RFTN1: variants seen among roughly 807,000 people sequenced by gnomAD.
The protein encoded by RFTN1 is raftlin.
RFTN1 carries 26 observed loss-of-function variants against 46.5 expected under a neutral mutation model. The observed-to-expected ratio is 0.56, with a 90% CI of 0.41 to 0.78. The LOEUF (loss-of-function observed/expected upper bound fraction) is 0.78, where lower values mean the gene tolerates loss of function less well. RFTN1 is among the 30% of genes least tolerant of loss of function. The pLI, the probability that RFTN1 is intolerant of heterozygous loss-of-function variation, is 0.00. For missense variants in RFTN1, 693 were observed against 718.7 expected, an observed-to-expected ratio of 0.96 and a Z score of 0.41; for synonymous variants, 261 against 284.2, an observed-to-expected ratio of 0.92 and a Z score of 0.82.
intron 1 of RFTN1, among the ~76,000 whole-genome samples, chr3:16,511,922 A>G (rs2076908186): frequency 6.6e-6 from 1 of 151,972 alleles, no homozygotes; most frequent in Non-Finnish European, 1.5e-5. Flanking sequence ...AGAAAAACCA[A>G]CCCAGTGACT....
In RFTN1 at chr3:16,344,230, TCC is replaced by T. The variant is rs1307063209; in HGVS notation, c.1146+13700_1146+13701del. Among the ~76,000 whole-genome samples the T allele has an allele frequency of 1.3e-5, 2 of 152,178 alleles. No individual in the cohort carries two copies. Among genetic ancestry groups the T allele is most frequent in the Admixed American group, 1.3e-4 (2 of 15,280 alleles). ...TTACATTTTATTGGGCTGGTTTTTGTCCAACATTCATATACTAAGAAGTAACA... is the reference window on the plus strand; with the variant it reads ...TTACATTTTATTGGGCTGGTTTTTGTAACATTCATATACTAAGAAGTAACA... On this transcript the variant is annotated intron_variant, in intron 7 of 9. Coordinates refer to ENST00000334133, the MANE Select transcript of RFTN1 (RefSeq NM_015150.2). The surrounding 1 kb of genome is among the most constrained non-coding windows in gnomAD (Gnocchi z 4.4).
At position 16,448,737 on chromosome 3, in the gene RFTN1, C is replaced by CCTT. The variant is rs1164327652; in HGVS notation, c.146-14703_146-14701dup. Among the ~76,000 whole-genome samples the CCTT allele has an allele frequency of 5.3e-5, 8 of 152,180 alleles. No individual in the cohort carries two copies. Among genetic ancestry groups the CCTT allele is most frequent in the Admixed American group, 5.2e-4 (8 of 15,274 alleles). On this transcript the variant is annotated intron_variant, in intron 2 of 9. Transcript: ENST00000334133. The surrounding 1 kb of genome is among the most constrained non-coding windows in gnomAD (Gnocchi z 4.1). ...CTCTCAGGAGCCACTGCGTTCCCGACCTTCTTCTGCCCCATTGGCAGGCCC... is the reference window on the plus strand; with the variant it reads ...CTCTCAGGAGCCACTGCGTTCCCGACCTTCTTCTTCTGCCCCATTGGCAGGCCC...
rs1175977979 is a variant in RFTN1 at position 16,500,497 on chromosome 3, T to C, written c.-8-6620A>G. Among the ~76,000 whole-genome samples the C allele has an allele frequency of 1.3e-5, 2 of 152,180 alleles. No individual in the cohort carries two copies. The highest frequency in any genetic ancestry group is 1.5e-5 in the Non-Finnish European group (1 of 68,036). On this transcript the variant is annotated intron_variant, in intron 1 of 9. Coordinates refer to ENST00000334133, the MANE Select transcript of RFTN1 (RefSeq NM_015150.2). The surrounding 1 kb of genome is among the most constrained non-coding windows in gnomAD (Gnocchi z 5.9). ...AGTGGGGAAATAATCAAAGCATATA[T>C]GCAGTTCCCTAGCAGAAATTGGTAA...
Position 16,317,788 on chromosome 3 carries a change from A to T in RFTN1, c.1333-556T>A, listed in dbSNP as rs1257162724. ...CAGCTAGGCCGATAGCCCTTTGCTG[A>T]CCACCACCTCACAGAAGGGTCACAC... On this transcript the variant is annotated intron_variant, in intron 9 of 9. Coordinates refer to ENST00000334133, the MANE Select transcript of RFTN1 (RefSeq NM_015150.2). The surrounding 1 kb of genome is among the most constrained non-coding windows in gnomAD (Gnocchi z 4.3). 6.6e-6 allele frequency among the ~76,000 whole-genome samples: 1 copy of T among 151,940 alleles called. No homozygotes were observed.
rs566292667 is a variant in RFTN1 at position 16,405,503 on chromosome 3, C to T, written c.441+3872G>A. ...CTGGCCACACCAAAAGGAATGGAGTCATCATCATCTTTACACAACTCCCTT... is the reference window on the plus strand; with the variant it reads ...CTGGCCACACCAAAAGGAATGGAGTTATCATCATCTTTACACAACTCCCTT... On this transcript the variant is annotated intron_variant, in intron 4 of 9. Coordinates refer to ENST00000334133, the MANE Select transcript of RFTN1 (RefSeq NM_015150.2). 3.3e-5 allele frequency among the ~76,000 whole-genome samples: 5 copies of T among 152,304 alleles called. No individual in the cohort carries two copies. In the South Asian group the frequency reaches 1.0e-3, roughly 32 times the overall value.
rs567623182 is a variant in RFTN1, at chr3:16,342,173, C to T, written c.1147-15297G>A. On this transcript the variant is annotated intron_variant, in intron 7 of 9. Transcript: ENST00000334133. The surrounding 1 kb of genome is among the most constrained non-coding windows in gnomAD (Gnocchi z 4.0). ...ACTTTCATCACCCCCCACACCAATA[C>T]CCTGTACCTATTAGCAGTCACTCCC... Among the ~76,000 whole-genome samples the T allele has an allele frequency of 1.3e-5, 2 of 152,198 alleles. No homozygotes were observed. Among genetic ancestry groups the T allele is most frequent in the South Asian group, 4.2e-4 (2 of 4,814 alleles).
Position 16,363,845 on chromosome 3 carries a change from GGATTCTTGGCACCACCTTGAT to G in RFTN1, c.1031-5819_1031-5799del, listed in dbSNP as rs1191130479. 2.5e-4 allele frequency among the ~76,000 whole-genome samples: 11 copies of G among 44,612 alleles called. 1 individual carries two copies. The East Asian group carries it at 7.9e-3, about 32-fold the overall frequency. 29.3% of individuals were successfully genotyped at this position (44,612 alleles called of 152,430 possible). Reference sequence around the variant, plus strand: ...GTCGCACAGCACCACCTTGATTCCAGGATTCTTGGCACCACCTTGATTCCAGGATTAGCAATCGCCAACTGC... The same window carrying G: ...GTCGCACAGCACCACCTTGATTCCAGTCCAGGATTAGCAATCGCCAACTGC... On this transcript the variant is annotated intron_variant, in intron 6 of 9. Coordinates refer to ENST00000334133, the MANE Select transcript of RFTN1 (RefSeq NM_015150.2).
chr3:16,497,878 A>T (rs1575376706), intron 1 of RFTN1, among the ~76,000 whole-genome samples: 1 of 152,210 alleles, frequency 6.6e-6, no homozygotes, highest in East Asian at 1.9e-4. Context: ...TCTTTGATAA[A>T]GGACAGGTTC....
intron 2 of RFTN1, among the ~76,000 whole-genome samples, chr3:16,471,530 C>T (rs2076195397): frequency 1.3e-5 from 2 of 152,156 alleles, no homozygotes; most frequent in African/African-American, 4.8e-5. Flanking sequence ...TAAATAGCAG[C>T]CACTGTAAAG....
intron 2 of RFTN1, among the ~76,000 whole-genome samples, chr3:16,476,287 G>A (rs2076280640): frequency 6.6e-6 from 1 of 152,150 alleles, no homozygotes; most frequent in South Asian, 2.1e-4. Context: ...CTGAATTATT[G>A]CATTTTCATA....
chr3:16,474,483 G>A lies in RFTN1; in HGVS notation c.145+19242C>T, dbSNP rs1407974974. Among the ~76,000 whole-genome samples the A allele has an allele frequency of 6.6e-6, 1 of 152,150 alleles. No individual in the cohort carries two copies. The highest frequency in any genetic ancestry group is 2.4e-5 in the African/African-American group (1 of 41,430). ...CAAGATAAACAAAGGCTGACCATGA[G>A]AAAGATACCAGTACACCCCCAGGAA... On this transcript the variant is annotated intron_variant, in intron 2 of 9. Coordinates refer to ENST00000334133, the MANE Select transcript of RFTN1 (RefSeq NM_015150.2). The surrounding 1 kb of genome is among the most constrained non-coding windows in gnomAD (Gnocchi z 5.5).
intron 7 of RFTN1, among the ~76,000 whole-genome samples, chr3:16,343,749 T>G (rs2071462868): frequency 6.6e-6 from 1 of 152,212 alleles, no homozygotes; most frequent in South Asian, 2.1e-4. Context: ...AAGGAACTAA[T>G]GTGGATCCAG....
intron 1 of RFTN1, among the ~76,000 whole-genome samples, chr3:16,508,688 ACACG>A (rs10558755): frequency 0.31 from 42,907 of 136,668 alleles, 6,176 homozygotes; most frequent in South Asian, 0.47. Flanking sequence ...AGGAAAGATC[ACACG>A]CACGCACACA....
chr3:16,399,188 T>TG (rs2074544347), intron 4 of RFTN1, among the ~76,000 whole-genome samples: 1 of 152,020 alleles, frequency 6.6e-6, no homozygotes, highest in African/African-American at 2.4e-5. Context: ...TAAAACCAAT[T>TG]GCTCAATAAA....
At chr3:16,435,298 G>A (rs1262766690) in intron 2 of RFTN1, among the ~76,000 whole-genome samples, 1 of 152,218 alleles carries the variant, frequency 6.6e-6, no homozygotes, top group African/African-American at 2.4e-5. Context: ...GCCAGGGGCA[G>A]TGGCTCACGC....
chr3:16,417,180 T>A (rs183483335), intron 3 of RFTN1, among the ~76,000 whole-genome samples: 236 of 151,844 alleles, frequency 1.6e-3, no homozygotes, highest in Non-Finnish European at 2.8e-3. Flanking sequence ...TGGCTAATTT[T>A]TTTTTTTTTG....
intron 3 of RFTN1, among the ~76,000 whole-genome samples, chr3:16,431,493 G>C (rs2075386610): frequency 6.7e-6 from 1 of 149,698 alleles, no homozygotes; most frequent in South Asian, 2.1e-4. Flanking sequence ...TTGCTCCACA[G>C]CAGGGAGAAA....
intron 4 of RFTN1, among the ~76,000 whole-genome samples, chr3:16,392,055 C>T (rs1258097198): frequency 6.6e-6 from 1 of 151,876 alleles, no homozygotes; most frequent in Non-Finnish European, 1.5e-5. Context: ...AAGTCAGTTT[C>T]AATAATTGAG....
At position 16,475,932 on chromosome 3, in the gene RFTN1, T is replaced by C. The variant is rs1181403896; in HGVS notation, c.145+17793A>G. Among the ~76,000 whole-genome samples, 1 of 152,206 alleles carries C rather than the reference T, an allele frequency of 6.6e-6. No individual in the cohort carries two copies. Among genetic ancestry groups the C allele is most frequent in the Non-Finnish European group, 1.5e-5 (1 of 68,034 alleles). ...ACAGACACCATGCCAACTGGGACTTTTTGTCTTCCCTTAAGAGTGTGAATA... is the reference window on the plus strand; with the variant it reads ...ACAGACACCATGCCAACTGGGACTTCTTGTCTTCCCTTAAGAGTGTGAATA... On this transcript the variant is annotated intron_variant, in intron 2 of 9. Coordinates refer to ENST00000334133, the MANE Select transcript of RFTN1 (RefSeq NM_015150.2). This position sits in a 1 kb window ranked among gnomAD's most constrained non-coding sequence, Gnocchi z 4.2.
Sources: allele counts gnomAD v4.1 joint callset (sites outside exome capture counted in the v4.1 genomes callset), GRCh38; gene constraint gnomAD v4.1.1; non-coding constraint Gnocchi (gnomAD v3.1); transcripts MANE v1.5; gene names NCBI Gene and HGNC (gene_info 2026-07-23, HGNC 2026-07-21).